Variants in ADCY6 observed in about 807,000 individuals in gnomAD.
ADCY6 encodes the protein adenylate cyclase 6, also known as adenylate cyclase type 6.
ADCY6 carries 59 observed loss-of-function variants against 111.6 expected under a neutral mutation model. That is an observed-to-expected ratio of 0.53 (90% CI 0.43 to 0.66). ADCY6 has a LOEUF of 0.66. Among genes scored for constraint, ADCY6 ranks in the 30% least tolerant of loss-of-function variants. ADCY6 has a pLI of 0.00. For synonymous variants in ADCY6, 576 were observed against 642.9 expected (o/e 0.90, Z 1.57); for missense variants, 1,242 against 1,595.6 (o/e 0.78, Z 3.78).
chr12:48,780,934 C>T (rs1214608904), intron 2 of ADCY6, among the ~76,000 whole-genome samples: 1 of 152,186 alleles, frequency 6.6e-6, no homozygotes, highest in Non-Finnish European at 1.5e-5. Flanking sequence ...GGTGCGGTGG[C>T]TCACGCTTGT....
Position 48,771,583 on chromosome 12 carries a change from C to G in ADCY6, c.3051+127G>C. 1 of 1,478,688 alleles carries G rather than the reference C, an allele frequency of 6.8e-7. No individual in the cohort carries two copies. The highest frequency in any genetic ancestry group is 1.4e-5 in the African/African-American group (1 of 72,366). The allele number at this position is 1,478,688 out of a possible 1,614,324, so 91.6% of individuals were successfully genotyped here. A position where few individuals can be genotyped will look rare whatever the true frequency, so the allele number is the denominator to read the frequency against. ...TTGCCTCTGCCTCCACTGTGCATAC[C>G]CTTACCCCTGATGACTCTGGGTCCC... On this transcript the variant is annotated intron_variant, in intron 19 of 21. Coordinates refer to ENST00000357869, the MANE Select transcript of ADCY6 (RefSeq NM_015270.5). The surrounding 1 kb of genome is among the most constrained non-coding windows in gnomAD (Gnocchi z 4.3).
intron 2 of ADCY6, among the ~76,000 whole-genome samples, chr12:48,778,978 A>G (rs551926257): frequency 7.3e-4 from 105 of 143,976 alleles, no homozygotes; most frequent in African/African-American, 2.6e-3. Context: ...TCCCAGTTCA[A>G]GCGATTCTCC....
chr12:48,789,842 T>G (rs1230656918), upstream of ADCY6: 3 of 150,866 alleles, frequency 2.0e-5, no homozygotes, highest in African/African-American at 4.9e-5. Context: ...CCCTACTCTC[T>G]GGGAGCCCCT....
rs1416526192 is a variant in ADCY6 at position 48,774,591 on chromosome 12, A to AGTGG, written c.2167-77_2167-74dup. 1.9e-6 allele frequency: 3 copies of AGTGG among 1,572,190 alleles called. No individual in the cohort carries two copies. The African/African-American group carries it at 4.1e-5, about 21-fold the overall frequency. ...GGAATGGCAACCAGGGATGGGGCCCAGTGGAAGAGGCATGGCCTTCTCCCT... is the reference window on the plus strand; with the variant it reads ...GGAATGGCAACCAGGGATGGGGCCCAGTGGGTGGAAGAGGCATGGCCTTCTCCCT... On this transcript the variant is annotated intron_variant, in intron 13 of 21. Transcript: ENST00000357869.
Position 48,773,503 on chromosome 12 carries a change from C to A in ADCY6, c.2587G>T (p.Asp863Tyr). Residue 863 changes from aspartate (D) to tyrosine (Y), a missense_variant, in exon 16 of 22, where the codon GAC becomes TAC. Physicochemically the swap from Asp to Tyr is radical, Grantham distance 160. Coordinates refer to ENST00000357869, the MANE Select transcript of ADCY6 (RefSeq NM_015270.5). ...ACGCCAAGCAGTAGGTCATAGTTGT[C>A]AAAGATGGTGGCTGGGGGACCCAGC... ...LLLGPPATIF[D>Y]NYDLLLGVHG... The A allele has an allele frequency of 1.2e-6, 2 of 1,614,006 alleles. No homozygotes were observed. Among genetic ancestry groups the A allele is most frequent in the South Asian group, 2.2e-5 (2 of 91,064 alleles).
chr12:48,785,370 A>G (rs11168737), intron 1 of ADCY6, among the ~76,000 whole-genome samples: 35,584 of 152,122 alleles, frequency 0.23, 4,711 homozygotes, highest in African/African-American at 0.36. Flanking sequence ...TTGTAATCCC[A>G]GCACTTTGGG....
At chr12:48,783,609 C>A in intron 1 of ADCY6, 171 bp from the exon 2 acceptor site, 2 of 1,430,270 alleles carry the variant, frequency 1.4e-6, no homozygotes, top group African/African-American at 2.9e-5. Context: ...AAGGGTATCC[C>A]CAATCAACAG....
At position 48,773,629 on chromosome 12, in the gene ADCY6, G is replaced by C. The variant is rs1336997375; in HGVS notation, c.2461C>G (p.Leu821Val). The change falls in exon 16 of 22, where the codon CTG (leucine) becomes GTG (valine). Residue 821 changes from leucine to valine, a missense_variant. Physicochemically the swap from Leu to Val is conservative, Grantham distance 32 (BLOSUM62 1). This residue lies in a region of ADCY6 where 375 missense variants were observed against 432.5 expected (regional missense o/e 0.87). Transcript: ENST00000357869. ...ACAGAGCTGGCCAAGAGACTCAGCAGCATGTTCCCGATGAAGTACTGCGGG... is the reference window on the plus strand; with the variant it reads ...ACAGAGCTGGCCAAGAGACTCAGCACCATGTTCCCGATGAAGTACTGCGGG... Reference protein sequence around the residue: ...SFPEYFIGNMLLSLLASSVFL... With the variant: ...SFPEYFIGNMVLSLLASSVFL... The C allele has an allele frequency of 1.9e-6, 3 of 1,614,092 alleles. No homozygotes were observed. The highest frequency in any genetic ancestry group is 1.7e-6 in the Non-Finnish European group (2 of 1,180,012).
chr12:48,778,064 G>A (rs1941750669), intron 3 of ADCY6, 44 bp downstream of exon 3: 1 of 1,573,578 alleles, frequency 6.4e-7, no homozygotes. Flanking sequence ...AAGTTATTTG[G>A]GGGTAAGGTG....
chr12:48,769,154 G>GA (rs973853282), intron 20 of ADCY6, 93 bp from the exon 21 acceptor site: 77 of 1,292,630 alleles, frequency 6.0e-5, no homozygotes, highest in Non-Finnish European at 7.4e-5. Flanking sequence ...AGGACCCAGA[G>GA]AAAAAAATGG....
chr12:48,772,852 C>T (rs1269953671), intron 16 of ADCY6, among the ~76,000 whole-genome samples: 1 of 152,140 alleles, frequency 6.6e-6, no homozygotes, highest in East Asian at 1.9e-4. Context: ...ACAGTGCCTG[C>T]CATATAGTCA....
rs1213661937 is a variant in ADCY6 at position 48,782,844 on chromosome 12, C to T, written c.591G>A (p.Val197=). Residue 197 remains valine, a synonymous_variant, in exon 2 of 22, where the codon GTG becomes GTA. Transcript: ENST00000357869. This position sits in a 1 kb window ranked among gnomAD's most constrained non-coding sequence, Gnocchi z 4.3. ...AAALFVGLMV[V]CNRHSFRQDS... is the part of the protein sequence containing the mutation. Reference sequence around the variant, plus strand: ...CCTGGCGGAAGCTATGCCGGTTACACACCACCATGAGCCCCACGAACAGGG... The same window carrying T: ...CCTGGCGGAAGCTATGCCGGTTACATACCACCATGAGCCCCACGAACAGGG... The T allele has an allele frequency of 1.9e-6, 3 of 1,613,968 alleles. No homozygotes were observed. The highest frequency in any genetic ancestry group is 2.5e-6 in the Non-Finnish European group (3 of 1,179,970).
intron 1 of ADCY6, among the ~76,000 whole-genome samples, chr12:48,784,882 G>T (rs1299060570): frequency 6.6e-6 from 1 of 151,966 alleles, no homozygotes; most frequent in Non-Finnish European, 1.5e-5. Context: ...AGCTAGGATG[G>T]TCTCGATCTC....
chr12:48,780,237 C>G (rs1941808914), intron 2 of ADCY6, among the ~76,000 whole-genome samples: 1 of 152,172 alleles, frequency 6.6e-6, no homozygotes. Context: ...TGCCAGGGGA[C>G]CGGAGGAGAC....
chr12:48,773,549 G>A lies in ADCY6; in HGVS notation c.2541C>T (p.Leu847=). Residue 847 remains leucine (L), a synonymous_variant, in exon 16 of 22, where the codon CTC becomes CTT. Coordinates refer to ENST00000357869, the MANE Select transcript of ADCY6 (RefSeq NM_015270.5). The part of the protein sequence containing the change: ...GKLAMIFVLG[L]IYLVLLLLGP... Reference sequence around the variant, plus strand: ...CCAGCAGAAGCAGCACCAAATAGATGAGCCCCAAGACAAAGATCATGGCCA... The same window carrying A: ...CCAGCAGAAGCAGCACCAAATAGATAAGCCCCAAGACAAAGATCATGGCCA... The A allele has an allele frequency of 5.6e-6, 9 of 1,614,130 alleles. No homozygotes were observed. The highest frequency in any genetic ancestry group is 7.6e-6 in the Non-Finnish European group (9 of 1,180,006).
chr12:48,778,881 T>TA (rs1465017684), intron 2 of ADCY6, among the ~76,000 whole-genome samples: 1 of 126,390 alleles, frequency 7.9e-6, no homozygotes. Flanking sequence ...CATTTTTTTT[T>TA]TTTTTTTTTT....
chr12:48,772,621 G>A, intron 16 of ADCY6, 78 bp from the exon 17 acceptor site: 1 of 1,538,358 alleles, frequency 6.5e-7, no homozygotes, highest in Non-Finnish European at 9.0e-7. Flanking sequence ...GGAGACAAGA[G>A]ACTGCATTTA....
rs778731790 is a variant in ADCY6 at position 48,782,740 on chromosome 12, G to A, written c.695C>T (p.Pro232Leu). 36 of 1,604,594 alleles carry A rather than the reference G, an allele frequency of 2.2e-5. No individual in the cohort carries two copies. The Admixed American group carries it at 4.8e-4, about 21-fold the overall frequency. Residue 232 changes from proline (P) to leucine (L), a missense_variant, in exon 2 of 22, where the codon CCG (proline) becomes CTG (leucine). Pro to Leu is a moderately conservative substitution (Grantham distance 98). Transcript: ENST00000357869. This position sits in a 1 kb window ranked among gnomAD's most constrained non-coding sequence, Gnocchi z 4.3. Reference sequence around the variant, plus strand: ...CCAGAGGCCCGCAGAGGGGCTGCGCGGGTCTGCTGCGAGAGCGCCCCCGAC... The same window carrying A: ...CCAGAGGCCCGCAGAGGGGCTGCGCAGGTCTGCTGCGAGAGCGCCCCCGAC... ...VQVGGALAADPRSPSAGLWCP... is the reference protein window; with the variant it reads ...VQVGGALAADLRSPSAGLWCP...
At chr12:48,775,789 G>T (rs1226694625) in intron 9 of ADCY6, 91 bp from the exon 10 acceptor site, 20 of 1,539,892 alleles carry the variant, frequency 1.3e-5, no homozygotes, top group African/African-American at 2.7e-5. Flanking sequence ...TGTGCTGAGG[G>T]TGTCCCCGTC....
Sources: gnomAD v4.1 joint callset for allele counts (sites outside exome capture counted in the v4.1 genomes callset) on GRCh38, gnomAD v4.1.1 for gene constraint, gnomAD v4.1.1 regional missense constraint, Gnocchi (gnomAD v3.1) non-coding constraint, MANE v1.5 for transcripts, NCBI Gene and HGNC (gene_info 2026-07-23, HGNC 2026-07-21) for gene names.